Variants in IMMP2L observed in about 807,000 individuals in gnomAD.
IMMP2L encodes mitochondrial inner membrane protease subunit 2.
IMMP2L carries 18 observed loss-of-function variants against 19.3 expected under a neutral mutation model. The observed-to-expected ratio is 0.93, with a 90% confidence interval of 0.64 to 1.38. The LOEUF (loss-of-function observed/expected upper bound fraction) is 1.38, where lower values mean the gene tolerates loss of function less well. Ranked by LOEUF, IMMP2L falls within the 40% of genes most tolerant of loss-of-function variation. IMMP2L has a pLI of 0.00. For missense variants in IMMP2L, 233 were observed against 218.2 expected (o/e 1.07, Z -0.43); for synonymous variants, 76 against 73.0 (o/e 1.04, Z -0.21).
intron 3 of IMMP2L, among the ~76,000 whole-genome samples, chr7:111,274,087 C>A (rs751180161): frequency 6.6e-6 from 1 of 152,040 alleles, no homozygotes; most frequent in Non-Finnish European, 1.5e-5. Flanking sequence ...TTACTTCCAT[C>A]TGGGTTTTAA....
chr7:111,060,453 A>C (rs923063169), intron 3 of IMMP2L, among the ~76,000 whole-genome samples: 2 of 152,242 alleles, frequency 1.3e-5, no homozygotes, highest in Non-Finnish European at 2.9e-5. Context: ...ATGCCTGCAC[A>C]TAACCTTCGG....
At chr7:111,034,651 G>C (rs1048042856) in intron 3 of IMMP2L, among the ~76,000 whole-genome samples, 1 of 152,078 alleles carries the variant, frequency 6.6e-6, no homozygotes, top group African/African-American at 2.4e-5. Context: ...GATTAAGTTT[G>C]TACCATAAGA....
At chr7:111,354,391 C>T (rs1187661910) in intron 3 of IMMP2L, among the ~76,000 whole-genome samples, 1 of 151,546 alleles carries the variant, frequency 6.6e-6, no homozygotes, top group African/African-American at 2.4e-5. Context: ...CTAAGGTAAA[C>T]AAACAGCAAC....
chr7:111,241,484 C>A (rs969723368), intron 3 of IMMP2L, among the ~76,000 whole-genome samples: 9 of 151,744 alleles, frequency 5.9e-5, no homozygotes, highest in Non-Finnish European at 1.2e-4. Flanking sequence ...AAAAACAAGA[C>A]CAAATAAAAT....
intron 1 of IMMP2L, among the ~76,000 whole-genome samples, chr7:111,540,765 G>A (rs1315918645): frequency 1.3e-5 from 2 of 152,102 alleles, no homozygotes; most frequent in Non-Finnish European, 2.9e-5. Flanking sequence ...CTAAATAAAT[G>A]TATCTTGACT....
rs555421906 is a variant in IMMP2L, at chr7:111,418,361, T to G, written c.239+68877A>C. Among the ~76,000 whole-genome samples, 58 of 151,972 alleles carry G rather than the reference T, an allele frequency of 3.8e-4. No homozygotes were observed. In the South Asian group the frequency reaches 0.012, roughly 31 times the overall value. On this transcript the variant is annotated intron_variant, in intron 3 of 5. Transcript: ENST00000405709. ...CTTGATTAAAATATATATTCACTAA[T>G]TAGTAATCTCTATGTATTCCTTTCT...
intron 3 of IMMP2L, among the ~76,000 whole-genome samples, chr7:111,060,266 A>C (rs1290500289): frequency 1.3e-5 from 2 of 152,254 alleles, no homozygotes; most frequent in African/African-American, 4.8e-5. Context: ...AGGTACTACC[A>C]CCACTCAAGT....
chr7:110,868,161 C>T (rs1273170012), intron 5 of IMMP2L, among the ~76,000 whole-genome samples: 2 of 123,954 alleles, frequency 1.6e-5, no homozygotes, highest in East Asian at 4.9e-4. Flanking sequence ...GCTGAAAATT[C>T]AGTGATACGG....
intron 3 of IMMP2L, among the ~76,000 whole-genome samples, chr7:111,320,833 C>T (rs185947440): frequency 5.8e-4 from 88 of 151,988 alleles, no homozygotes; most frequent in African/African-American, 2.0e-3. Context: ...GTTATCATAC[C>T]ATACAGTACT....
At chr7:111,290,478 T>G (rs563097784) in intron 3 of IMMP2L, among the ~76,000 whole-genome samples, 1 of 152,184 alleles carries the variant, frequency 6.6e-6, no homozygotes, top group African/African-American at 2.4e-5. Flanking sequence ...TAATCTGTGT[T>G]TATTTAAGCA....
At chr7:110,735,215 C>T (rs192925817) in intron 5 of IMMP2L, among the ~76,000 whole-genome samples, 140 of 152,282 alleles carry the variant, frequency 9.2e-4, no homozygotes, top group South Asian at 2.3e-3. Context: ...TAGGAATATG[C>T]GGTGGAACTA....
intron 3 of IMMP2L, among the ~76,000 whole-genome samples, chr7:111,127,043 A>G (rs1801383692): frequency 6.6e-6 from 1 of 152,228 alleles, no homozygotes. Context: ...ATTGTTAAGA[A>G]TTTCTTAAAA....
Position 111,040,446 on chromosome 7 carries a change from T to C in IMMP2L, c.240-76881A>G, listed in dbSNP as rs953592936. Among the ~76,000 whole-genome samples the C allele has an allele frequency of 3.9e-5, 6 of 152,156 alleles. No individual in the cohort carries two copies. In the East Asian group the frequency reaches 9.7e-4, roughly 25 times the overall value. The stretch of plus-strand genomic sequence containing the variant: ...AAGCAAATACCCAGTTTAGGGGATG[T>C]TCTACCCTGAGTTTAATAAAATGTA... On this transcript the variant is annotated intron_variant, in intron 3 of 5. Transcript: ENST00000405709.
rs558861068 is a variant in IMMP2L, at chr7:110,758,273, G to A, written c.409-94552C>T. On this transcript the variant is annotated intron_variant, in intron 5 of 5. Transcript: ENST00000405709. The surrounding 1 kb of genome is among the most constrained non-coding windows in gnomAD (Gnocchi z 4.6). Reference sequence around the variant, plus strand: ...GAGTGGACTTAAGAGAATGGGAGGAGAAAAAACACCAGTTGTGAGTAAAGA... The same window carrying A: ...GAGTGGACTTAAGAGAATGGGAGGAAAAAAAACACCAGTTGTGAGTAAAGA... 3.3e-5 allele frequency among the ~76,000 whole-genome samples: 5 copies of A among 152,046 alleles called. No homozygotes were observed. The highest frequency in any genetic ancestry group is 1.2e-4 in the African/African-American group (5 of 41,498).
intron 5 of IMMP2L, among the ~76,000 whole-genome samples, chr7:110,827,668 G>A (rs1029567269): frequency 6.6e-6 from 1 of 152,106 alleles, no homozygotes; most frequent in Non-Finnish European, 1.5e-5. Context: ...GGGAGTAGCT[G>A]GAATCAGGGG....
chr7:110,783,095 G>A (rs372301629), intron 5 of IMMP2L, among the ~76,000 whole-genome samples: 1 of 151,812 alleles, frequency 6.6e-6, no homozygotes, highest in East Asian at 1.9e-4. Flanking sequence ...ATCTCGAGGT[G>A]TATAATGTTA....
At chr7:111,065,005 A>T (rs181410360) in intron 3 of IMMP2L, among the ~76,000 whole-genome samples, 91 of 152,326 alleles carry the variant, frequency 6.0e-4, no homozygotes, top group Non-Finnish European at 1.2e-3. Flanking sequence ...ACCAGGAAAA[A>T]AATCCAAGCA....
chr7:111,145,606 C>T (rs560933438), intron 3 of IMMP2L, among the ~76,000 whole-genome samples: 1 of 152,184 alleles, frequency 6.6e-6, no homozygotes, highest in South Asian at 2.1e-4. Context: ...ATAGGAACAG[C>T]ATGTACCCTA....
chr7:110,684,309 G>C (rs1792948890), intron 5 of IMMP2L, among the ~76,000 whole-genome samples: 1 of 151,948 alleles, frequency 6.6e-6, no homozygotes, highest in African/African-American at 2.4e-5. Flanking sequence ...TTCGTATGTT[G>C]ATTATGTATA....
Sources: allele counts gnomAD v4.1 joint callset (sites outside exome capture counted in the v4.1 genomes callset), GRCh38; gene constraint gnomAD v4.1.1; non-coding constraint Gnocchi (gnomAD v3.1); transcripts MANE v1.5; gene names NCBI Gene and HGNC (gene_info 2026-07-23, HGNC 2026-07-21).